EYA3: variants seen among roughly 807,000 people sequenced by gnomAD.
The protein encoded by EYA3 is protein phosphatase EYA3.
Under a neutral mutation model 80.0 loss-of-function variants are expected in EYA3, and 39 were observed. That is an observed-to-expected ratio of 0.49 (90% CI 0.38 to 0.64). EYA3 has a LOEUF of 0.64. Among genes scored for constraint, EYA3 ranks in the 30% least tolerant of loss-of-function variants. The pLI is 0.00. For synonymous variants in EYA3, 206 were observed against 232.8 expected (o/e 0.88, Z 1.05); for missense variants, 523 against 676.1 (o/e 0.77, Z 2.51).
At chr1:28,043,728 C>T (rs1349837071) in intron 3 of EYA3, among the ~76,000 whole-genome samples, 1 of 152,160 alleles carries the variant, frequency 6.6e-6, no homozygotes, top group African/African-American at 2.4e-5. Context: ...GTCCCAGCTA[C>T]TCAGGAGGCT....
chr1:28,022,607 T>C (rs1040185432), intron 7 of EYA3, among the ~76,000 whole-genome samples: 1 of 152,208 alleles, frequency 6.6e-6, no homozygotes, highest in African/African-American at 2.4e-5. Flanking sequence ...TTTATAGATA[T>C]GTGTATTTAC....
intron 16 of EYA3, among the ~76,000 whole-genome samples, chr1:27,982,336 G>A (rs1368928944): frequency 6.6e-6 from 1 of 151,656 alleles, no homozygotes; most frequent in African/African-American, 2.4e-5. Flanking sequence ...TGTAGAGATG[G>A]GGTCTGACTA....
At chr1:28,043,361 A>G (rs1200244881) in intron 3 of EYA3, among the ~76,000 whole-genome samples, 1 of 150,508 alleles carries the variant, frequency 6.6e-6, no homozygotes, top group African/African-American at 2.4e-5. Context: ...AAAACACTTA[A>G]GTTCTATGCT....
intron 2 of EYA3, among the ~76,000 whole-genome samples, chr1:28,054,113 G>A (rs1446529357): frequency 1.2e-4 from 18 of 152,170 alleles, no homozygotes; most frequent in Admixed American, 1.1e-3. Flanking sequence ...TATGCTAGAG[G>A]GGTAAAGGGT....
intron 1 of EYA3, among the ~76,000 whole-genome samples, chr1:28,070,499 T>C (rs1644984323): frequency 6.6e-6 from 1 of 151,896 alleles, no homozygotes. Context: ...GAGGCAGAGG[T>C]TGCAGCAAGC....
chr1:28,016,666 A>G (rs1412554918), intron 8 of EYA3, among the ~76,000 whole-genome samples: 1 of 152,142 alleles, frequency 6.6e-6, no homozygotes, highest in African/African-American at 2.4e-5. Context: ...AAAAATAAAA[A>G]ACTCTAGAAC....
intron 4 of EYA3, among the ~76,000 whole-genome samples, chr1:28,039,477 C>A (rs6674937): frequency 1.3e-5 from 2 of 152,058 alleles, no homozygotes; most frequent in Admixed American, 6.6e-5. Context: ...TGGCAAATCA[C>A]AGACAGACGT....
intron 10 of EYA3, among the ~76,000 whole-genome samples, chr1:28,004,921 T>C (rs1237405916): frequency 1.3e-5 from 2 of 151,894 alleles, no homozygotes; most frequent in South Asian, 2.1e-4. Context: ...AAAATATCTA[T>C]AAAATTCACA....
At chr1:28,050,198 TA>T (rs370485247) in intron 2 of EYA3, among the ~76,000 whole-genome samples, 6,256 of 146,936 alleles carry the variant, frequency 0.043, 296 homozygotes, top group African/African-American at 0.11. Flanking sequence ...TTATTATTAT[TA>T]TTATTTTTTT....
At chr1:28,084,371 T>TACCAGTATC (rs1645535915) in intron 1 of EYA3, among the ~76,000 whole-genome samples, 1 of 151,564 alleles carries the variant, frequency 6.6e-6, no homozygotes, top group Non-Finnish European at 1.5e-5. Context: ...CAGTAAAAGA[T>TACCAGTATC]ACCAGTATCA....
At chr1:27,997,515 T>C in intron 12 of EYA3, 137 bp from the exon 13 acceptor site, 1 of 747,628 alleles carries the variant, frequency 1.3e-6, no homozygotes, top group Non-Finnish European at 2.3e-6. Flanking sequence ...GGGTGATCAC[T>C]CTCACACCCC....
In EYA3 at chr1:28,026,339, G is replaced by A. The variant is rs112614533; in HGVS notation, c.499+1450C>T. 7.7e-3 allele frequency among the ~76,000 whole-genome samples: 1,171 copies of A among 152,302 alleles called. 10 individuals carry two copies. Among genetic ancestry groups the A allele is most frequent in the Middle Eastern group, 0.051 (15 of 294 alleles). ...ATCAACATAGAGAAATACTAGGCCA[G>A]GTGTGGTGGCTCACATCTATAATTT... On this transcript the variant is annotated intron_variant, in intron 7 of 17. Coordinates refer to ENST00000373871, the MANE Select transcript of EYA3 (RefSeq NM_001990.4).
intron 14 of EYA3, among the ~76,000 whole-genome samples, chr1:27,991,165 A>G (rs1245234718): frequency 6.6e-6 from 1 of 152,186 alleles, no homozygotes; most frequent in East Asian, 1.9e-4. Flanking sequence ...TACAGCTAGA[A>G]GAGTCCTTAG....
intron 6 of EYA3, among the ~76,000 whole-genome samples, chr1:28,031,082 T>C (rs560221897): frequency 4.6e-5 from 7 of 152,288 alleles, no homozygotes; most frequent in South Asian, 4.1e-4. Context: ...CTCCCTCTTA[T>C]AAGATCAAAA....
intron 1 of EYA3, among the ~76,000 whole-genome samples, chr1:28,073,121 ATATATATTTTTT>A (rs1251235905): frequency 2.2e-5 from 1 of 45,802 alleles, no homozygotes; most frequent in East Asian, 8.4e-4. Flanking sequence ...ATATATATAT[ATATATATTTTTT>A]TTTTTTTTTT....
intron 3 of EYA3, 39 bp from the exon 4 acceptor site, chr1:28,042,689 T>C: frequency 1.3e-6 from 2 of 1,537,812 alleles, no homozygotes; most frequent in Non-Finnish European, 1.8e-6. Context: ...CCCTGATTGA[T>C]TTGCTGCATT....
intron 16 of EYA3, among the ~76,000 whole-genome samples, chr1:27,981,325 A>C (rs1054578844): frequency 3.3e-5 from 5 of 152,074 alleles, no homozygotes; most frequent in Non-Finnish European, 7.3e-5. Flanking sequence ...AAATAAGCAC[A>C]CTTACTGACA....
At chr1:27,984,741 AAT>A (rs1165941039) in intron 16 of EYA3, among the ~76,000 whole-genome samples, 1 of 152,148 alleles carries the variant, frequency 6.6e-6, no homozygotes, top group East Asian at 1.9e-4. Flanking sequence ...CTGCATATAA[AAT>A]AGATATAATT....
intron 1 of EYA3, among the ~76,000 whole-genome samples, chr1:28,063,611 G>A (rs1644724059): frequency 6.6e-6 from 1 of 151,894 alleles, no homozygotes; most frequent in African/African-American, 2.4e-5. Context: ...GCCTCTCAAA[G>A]TGCTGGGATT....
Sources: allele counts gnomAD v4.1 joint callset (sites outside exome capture counted in the v4.1 genomes callset), GRCh38; gene constraint gnomAD v4.1.1; transcripts MANE v1.5; gene names NCBI Gene and HGNC (gene_info 2026-07-23, HGNC 2026-07-21).